Variants in BTBD16 observed in about 807,000 individuals in gnomAD.
BTBD16 encodes the protein BTB domain containing 16.
A neutral mutation model predicts 67.4 loss-of-function variants in BTBD16; 66 were observed. The observed-to-expected ratio is 0.98, with a 90% CI of 0.80 to 1.20. The LOEUF is 1.20. Among genes scored for constraint, BTBD16 ranks in the 50% most tolerant of loss-of-function variants. BTBD16 has a pLI of 0.00. For missense variants in BTBD16, 634 were observed against 616.0 expected (o/e 1.03, Z -0.31); for synonymous variants, 242 against 236.4 (o/e 1.02, Z -0.22).
intron 5 of BTBD16, 156 bp downstream of exon 5, chr10:122,286,404 C>T: frequency 1.3e-6 from 1 of 741,400 alleles, no homozygotes; most frequent in Non-Finnish European, 1.6e-6. Context: ...GCCTCAGTTT[C>T]CTCAAGTGTA....
chr10:122,287,214 C>G (rs558919273), intron 5 of BTBD16, among the ~76,000 whole-genome samples: 1 of 152,328 alleles, frequency 6.6e-6, no homozygotes, highest in Non-Finnish European at 1.5e-5. Context: ...TCTTCTGAAG[C>G]CTTTGTCCCA....
intron 4 of BTBD16, 86 bp from the exon 5 acceptor site, chr10:122,286,019 C>A: frequency 2.3e-6 from 3 of 1,327,862 alleles, no homozygotes; most frequent in Non-Finnish European, 3.2e-6. Flanking sequence ...ATCCACCGAG[C>A]AAAGGAGCTG....
intron 9 of BTBD16, among the ~76,000 whole-genome samples, chr10:122,302,958 G>A (rs942438740): frequency 6.6e-6 from 1 of 152,094 alleles, no homozygotes; most frequent in African/African-American, 2.4e-5. Context: ...GCTCACTGAC[G>A]TGCTCTGCAT....
At chr10:122,316,748 G>C (rs1008438985) in intron 10 of BTBD16, among the ~76,000 whole-genome samples, 7 of 151,748 alleles carry the variant, frequency 4.6e-5, no homozygotes, top group Non-Finnish European at 8.8e-5. Context: ...TGAATGGTGC[G>C]TGAATGTTAA....
intron 13 of BTBD16, chr10:122,333,001 T>C (rs922095523): frequency 2.0e-6 from 2 of 983,564 alleles, no homozygotes; most frequent in Non-Finnish European, 2.4e-6. Context: ...GCAAGGCATC[T>C]TGGCACTTAG....
intron 9 of BTBD16, among the ~76,000 whole-genome samples, chr10:122,304,047 G>A (rs765827201): frequency 1.3e-5 from 2 of 152,118 alleles, no homozygotes; most frequent in Non-Finnish European, 2.9e-5. Flanking sequence ...TGGGCTTGAG[G>A]ACCTCAGGTG....
At chr10:122,281,334 C>G (rs2096352690) in intron 3 of BTBD16, among the ~76,000 whole-genome samples, 1 of 151,878 alleles carries the variant, frequency 6.6e-6, no homozygotes, top group Non-Finnish European at 1.5e-5. Flanking sequence ...TGTGTGAGAA[C>G]TCTCCCTTCC....
At chr10:122,330,738 G>GT (rs984820072) in intron 11 of BTBD16, among the ~76,000 whole-genome samples, 4 of 151,958 alleles carry the variant, frequency 2.6e-5, no homozygotes, top group African/African-American at 9.7e-5. Context: ...GTTTTGTTTT[G>GT]TTTTTTTGAG....
At chr10:122,312,845 C>A (rs2096416494) in intron 10 of BTBD16, among the ~76,000 whole-genome samples, 1 of 152,126 alleles carries the variant, frequency 6.6e-6, no homozygotes, top group African/African-American at 2.4e-5. Context: ...CAAATACCTT[C>A]CCTCTGTGGC....
chr10:122,293,775 C>T (rs11816536), intron 7 of BTBD16, among the ~76,000 whole-genome samples: 10,796 of 152,228 alleles, frequency 0.071, 544 homozygotes, highest in African/African-American at 0.14. Flanking sequence ...TTTCCTGGTG[C>T]AGTCCAGGAA....
At chr10:122,288,583 G>A (rs2096368034) in intron 5 of BTBD16, among the ~76,000 whole-genome samples, 1 of 152,122 alleles carries the variant, frequency 6.6e-6, no homozygotes, top group Admixed American at 6.6e-5. Flanking sequence ...GTGTGAGCCT[G>A]GGATGGGCCC....
intron 9 of BTBD16, among the ~76,000 whole-genome samples, chr10:122,300,075 C>G (rs992885674): frequency 6.6e-6 from 1 of 152,172 alleles, no homozygotes; most frequent in African/African-American, 2.4e-5. Flanking sequence ...CAATGCCGGG[C>G]TTTTTAGGTT....
In BTBD16 at chr10:122,336,528, C is replaced by T. The variant is rs139618575; in HGVS notation, c.1298C>T (p.Ala433Val). 6.4e-5 allele frequency: 103 copies of T among 1,611,106 alleles called. No individual in the cohort carries two copies. The highest frequency in any genetic ancestry group is 2.7e-4 in the East Asian group (12 of 44,764). ...IKHTDLESPS[A>V]VYEHNHVSLR... The stretch of plus-strand genomic sequence containing the variant: ...CACACAGACCTGGAATCTCCCTCTG[C>T]GGTCTACGAGCACAACCACGTCAGC... Residue 433 changes from alanine (A) to valine (V), a missense_variant, in exon 15 of 16, where the codon GCG becomes GTG. Coordinates refer to ENST00000260723, the MANE Select transcript of BTBD16 (RefSeq NM_144587.5).
At chr10:122,299,280 G>A in intron 9 of BTBD16, 146 bp downstream of exon 9, 1 of 1,025,352 alleles carries the variant, frequency 9.8e-7, no homozygotes, top group Non-Finnish European at 1.4e-6. Context: ...GGCTGGGGCT[G>A]GAACTCAGGG....
chr10:122,332,360 A>G (rs1439568567), intron 12 of BTBD16, 76 bp from the exon 13 acceptor site: 8 of 1,393,602 alleles, frequency 5.7e-6, no homozygotes, highest in Non-Finnish European at 7.0e-6. Flanking sequence ...GGGTCAAGGA[A>G]GAGGCATGAA....
chr10:122,278,634 C>T (rs1274065245), intron 3 of BTBD16, among the ~76,000 whole-genome samples: 1 of 152,202 alleles, frequency 6.6e-6, no homozygotes, highest in Non-Finnish European at 1.5e-5. Flanking sequence ...CCTCCTTGCA[C>T]CTTCCCCAGT....
In BTBD16 at chr10:122,282,875, A is replaced by G. The variant is rs2096355900; in HGVS notation, c.168-976A>G. Among the ~76,000 whole-genome samples, 3 of 152,222 alleles carry G rather than the reference A, an allele frequency of 2.0e-5. No individual in the cohort carries two copies. In the South Asian group the frequency reaches 6.2e-4, roughly 32 times the overall value. On this transcript the variant is annotated intron_variant, in intron 3 of 15. Transcript: ENST00000260723. Reference sequence around the variant, plus strand: ...CCCAGCATCCCCAGAGAAAGCGGCAATGAAGTTTATTCTGAAGAATGAGTA... The same window carrying G: ...CCCAGCATCCCCAGAGAAAGCGGCAGTGAAGTTTATTCTGAAGAATGAGTA...
At chr10:122,318,194 T>A (rs942564668) in intron 10 of BTBD16, among the ~76,000 whole-genome samples, 72 of 152,192 alleles carry the variant, frequency 4.7e-4, no homozygotes, top group Non-Finnish European at 8.8e-5. Flanking sequence ...CGTTGTTAAG[T>A]GGTGCCTGAC....
At chr10:122,308,924 G>T (rs1022780) in intron 10 of BTBD16, among the ~76,000 whole-genome samples, 8,535 of 152,174 alleles carry the variant, frequency 0.056, 462 homozygotes, top group East Asian at 0.25. Context: ...CCCAGTCCCT[G>T]CCTGCTCTGC....
Sources: gnomAD v4.1 joint callset for allele counts (sites outside exome capture counted in the v4.1 genomes callset) on GRCh38, gnomAD v4.1.1 for gene constraint, MANE v1.5 for transcripts, NCBI Gene and HGNC (gene_info 2026-07-23, HGNC 2026-07-21) for gene names.